PCDH11X: variants seen among roughly 807,000 people sequenced by gnomAD.
PCDH11X encodes the protein protocadherin 11 X-linked, also known as protocadherin-11 X-linked.
In PCDH11X, 18 loss-of-function variants were observed where a neutral mutation model predicts 53.3. The ratio of observed to expected loss-of-function variants is 0.34; its 90% CI spans 0.23 to 0.50. PCDH11X has a LOEUF of 0.50. PCDH11X is among the 20% of genes least tolerant of loss of function. The pLI, the probability that PCDH11X is intolerant of heterozygous loss-of-function variation, is 0.98. For synonymous variants in PCDH11X, 279 were observed against 393.3 expected, an observed-to-expected ratio of 0.71 and a Z score of 3.44; for missense variants, 570 against 1,032.4, an observed-to-expected ratio of 0.55 and a Z score of 6.14.
At chrX:91,906,680 C>T (rs1476630717) in intron 6 of PCDH11X, among the ~76,000 whole-genome samples, 2 of 111,781 alleles carry the variant, frequency 1.8e-5, no homozygotes, top group Non-Finnish European at 3.8e-5. Context: ...ACCTTATACT[C>T]ACTAGACTGA....
At chrX:92,420,433 A>C in intron 9 of PCDH11X, 1 of 282,720 alleles carries the variant, frequency 3.5e-6, no homozygotes, top group Non-Finnish European at 6.7e-6. Flanking sequence ...AACGAGATTT[A>C]ATAAATTCAA....
intron 1 of PCDH11X, among the ~76,000 whole-genome samples, chrX:91,781,623 C>T (rs777779941): frequency 9.9e-5 from 11 of 111,321 alleles, no homozygotes; most frequent in African/African-American, 3.6e-4. Flanking sequence ...ATTCCAGCGC[C>T]AGGGCTGGCC....
intron 7 of PCDH11X, among the ~76,000 whole-genome samples, chrX:92,210,063 A>G (rs765710841): frequency 9.1e-6 from 1 of 110,495 alleles, no homozygotes; most frequent in African/African-American, 3.3e-5. Context: ...GGCTCATGAA[A>G]CGATTTTTCT....
intron 10 of PCDH11X, among the ~76,000 whole-genome samples, chrX:92,551,248 G>T (rs1318376189): frequency 5.4e-5 from 6 of 111,602 alleles, no homozygotes; most frequent in Non-Finnish European, 7.6e-5. Context: ...GCTAGCATTT[G>T]TTATTGCCTG....
intron 8 of PCDH11X, among the ~76,000 whole-genome samples, chrX:92,339,046 G>A (rs1478175640): frequency 9.0e-6 from 1 of 111,454 alleles, no homozygotes; most frequent in East Asian, 2.8e-4. Context: ...AATGAAAACA[G>A]CATGATACCC....
chrX:91,800,070 C>A (rs1198693811), intron 1 of PCDH11X, among the ~76,000 whole-genome samples: 3 of 112,402 alleles, frequency 2.7e-5, no homozygotes, highest in Non-Finnish European at 5.6e-5. Context: ...GCCTGGGCGC[C>A]AGAGAGAGAT....
intron 7 of PCDH11X, among the ~76,000 whole-genome samples, chrX:92,223,794 T>TA (rs1462665809): frequency 1.8e-5 from 2 of 111,706 alleles, no homozygotes; most frequent in African/African-American, 6.5e-5. Context: ...AAGCACTTAG[T>TA]ACAGTGTCTA....
chrX:92,113,528 C>T (rs2064565934), intron 6 of PCDH11X: 1 of 1,200,696 alleles, frequency 8.3e-7, no homozygotes, highest in Non-Finnish European at 1.1e-6. Context: ...GTGATCACGT[C>T]TCGCTCCTTT....
intron 7 of PCDH11X, among the ~76,000 whole-genome samples, chrX:92,214,415 G>A (rs1303151376): frequency 1.8e-5 from 2 of 112,190 alleles, no homozygotes; most frequent in Non-Finnish European, 3.8e-5. Flanking sequence ...AATGCAGCCA[G>A]TGATTATCTC....
chrX:92,257,247 T>A (rs2148407216), intron 7 of PCDH11X, among the ~76,000 whole-genome samples: 1 of 111,412 alleles, frequency 9.0e-6, no homozygotes, highest in South Asian at 3.8e-4. Context: ...AAATCATTCA[T>A]GAGAACTCCA....
intron 9 of PCDH11X, among the ~76,000 whole-genome samples, chrX:92,397,727 T>C (rs1000056762): frequency 1.8e-5 from 2 of 110,722 alleles, no homozygotes; most frequent in Admixed American, 1.9e-4. Flanking sequence ...ATTTTTGATA[T>C]ATGAATGCAC....
At chrX:92,368,160 A>G (rs1410593641) in intron 8 of PCDH11X, among the ~76,000 whole-genome samples, 1 of 103,037 alleles carries the variant, frequency 9.7e-6, no homozygotes, top group East Asian at 3.1e-4. Flanking sequence ...CTTTTCACAT[A>G]GTCCTGTATT....
chrX:92,261,047 C>T (rs1248361271), intron 7 of PCDH11X, among the ~76,000 whole-genome samples: 1 of 110,829 alleles, frequency 9.0e-6, no homozygotes, highest in East Asian at 2.8e-4. Flanking sequence ...TGCTTTTCAT[C>T]ATGTTTTTTC....
At chrX:91,794,551 A>G (rs765116300) in intron 1 of PCDH11X, among the ~76,000 whole-genome samples, 1 of 111,911 alleles carries the variant, frequency 8.9e-6, no homozygotes, top group South Asian at 3.8e-4. Flanking sequence ...AGATATTCAG[A>G]TTCTACTGAA....
rs2067268679 is a variant in PCDH11X, at chrX:92,241,943, T to A, written c.3115-21171T>A. Among the ~76,000 whole-genome samples, 4 of 110,660 alleles carry A rather than the reference T, an allele frequency of 3.6e-5. No individual in the cohort carries two copies. The Middle Eastern group carries it at 0.014, about 382-fold the overall frequency. ...CAGCTCTGTGCAATTTTATCACATGTGTATGTTCATGTATCCACCACCAGA... is the reference window on the plus strand; with the variant it reads ...CAGCTCTGTGCAATTTTATCACATGAGTATGTTCATGTATCCACCACCAGA... On this transcript the variant is annotated intron_variant, in intron 7 of 10. Coordinates refer to ENST00000682573, the MANE Select transcript of PCDH11X (RefSeq NM_032968.5).
At chrX:92,370,200 C>G (rs1392635076) in intron 8 of PCDH11X, among the ~76,000 whole-genome samples, 6 of 110,580 alleles carry the variant, frequency 5.4e-5, no homozygotes, top group African/African-American at 2.0e-4. Flanking sequence ...TGTTTAATTT[C>G]CACATATTTC....
At chrX:91,975,831 G>A (rs938421571) in intron 6 of PCDH11X, among the ~76,000 whole-genome samples, 26 of 110,537 alleles carry the variant, frequency 2.4e-4, no homozygotes, top group Non-Finnish European at 4.7e-4. Flanking sequence ...CCAAATGAAA[G>A]AAGACACTTA....
chrX:92,038,572 G>A (rs1435034423), intron 6 of PCDH11X, among the ~76,000 whole-genome samples: 1 of 112,054 alleles, frequency 8.9e-6, no homozygotes, highest in Admixed American at 9.4e-5. Context: ...TGCTGCAGGG[G>A]CAGGGCTCTC....
intron 9 of PCDH11X, among the ~76,000 whole-genome samples, chrX:92,434,116 C>T (rs2072314610): frequency 1.8e-5 from 2 of 110,913 alleles, no homozygotes; most frequent in Non-Finnish European, 3.8e-5. Context: ...TAAATTTTAT[C>T]TATCTATCTA....
Sources: allele counts gnomAD v4.1 joint callset (sites outside exome capture counted in the v4.1 genomes callset), GRCh38; gene constraint gnomAD v4.1.1; transcripts MANE v1.5; gene names NCBI Gene and HGNC (gene_info 2026-07-23, HGNC 2026-07-21).